CATSPERT: variants seen among roughly 807,000 people sequenced by gnomAD.
CATSPERT encodes catsper channel auxiliary subunit tau.
chr2:201,498,819 C>G, the CATSPERT span, among the ~76,000 whole-genome samples: 2 of 152,172 alleles, frequency 1.3e-5, no homozygotes, highest in African/African-American at 4.8e-5. Context: ...TTCCCAGTCA[C>G]TCTCCCAAAC....
the CATSPERT span, among the ~76,000 whole-genome samples, chr2:201,512,386 C>G: frequency 2.6e-5 from 4 of 152,140 alleles, no homozygotes; most frequent in South Asian, 2.1e-4. Flanking sequence ...CAGTTAAGAC[C>G]TAGACATTTC....
At chr2:201,575,682 G>A in the CATSPERT span, among the ~76,000 whole-genome samples, 1 of 152,112 alleles carries the variant, frequency 6.6e-6, no homozygotes, top group Non-Finnish European at 1.5e-5. Context: ...GCCTCCCATC[G>A]TCCCCAGATG....
At chr2:201,562,237 G>A in the CATSPERT span, among the ~76,000 whole-genome samples, 8,074 of 146,730 alleles carry the variant, frequency 0.055, 267 homozygotes, top group African/African-American at 0.08. Flanking sequence ...TCCCAGGCTG[G>A]AGTGCAGTGG....
the CATSPERT span, among the ~76,000 whole-genome samples, chr2:201,579,497 T>A: frequency 1.3e-5 from 2 of 152,156 alleles, no homozygotes; most frequent in Non-Finnish European, 2.9e-5. Context: ...TTCCCCAGGC[T>A]GGTCTCAAAC....
chr2:201,494,544 T>G, the CATSPERT span: 1 of 1,537,002 alleles, frequency 6.5e-7, no homozygotes. Context: ...ACATCTTTGT[T>G]GTGAAGATAT....
chr2:201,556,513 G>GAAA, the CATSPERT span, among the ~76,000 whole-genome samples: 125 of 134,228 alleles, frequency 9.3e-4, no homozygotes, highest in Admixed American at 1.2e-3. Flanking sequence ...ACTTCAAAAA[G>GAAA]AAAAAAAAAA....
At chr2:201,589,105 A>T in the CATSPERT span, among the ~76,000 whole-genome samples, 2 of 152,010 alleles carry the variant, frequency 1.3e-5, no homozygotes, top group Admixed American at 6.6e-5. Context: ...GAAGTCAGGG[A>T]TGACACAACA....
the CATSPERT span, among the ~76,000 whole-genome samples, chr2:201,507,661 T>C: frequency 2.6e-5 from 4 of 152,192 alleles, no homozygotes; most frequent in Non-Finnish European, 5.9e-5. Context: ...GAAATTAGCA[T>C]ATAATAATTA....
chr2:201,493,296 G>T, the CATSPERT span: 1 of 1,536,490 alleles, frequency 6.5e-7, no homozygotes, highest in Non-Finnish European at 8.7e-7. Flanking sequence ...AATCTTGTGG[G>T]AACATATTTT....
At chr2:201,487,460 A>G in the CATSPERT span, 1 of 723,138 alleles carries the variant, frequency 1.4e-6, no homozygotes, top group Non-Finnish European at 2.2e-6. Flanking sequence ...AAATGGTTCT[A>G]ACAAGATGAA....
chr2:201,496,012 A>G, the CATSPERT span: 2 of 1,232,418 alleles, frequency 1.6e-6, no homozygotes, highest in Non-Finnish European at 2.3e-6. Context: ...CTTGTAATAT[A>G]AGAATATCAA....
chr2:201,555,841 T>C, the CATSPERT span: 1 of 152,188 alleles, frequency 6.6e-6, no homozygotes, highest in Non-Finnish European at 1.5e-5. Flanking sequence ...ATTTTCATGA[T>C]TTAATTTTAC....
the CATSPERT span, among the ~76,000 whole-genome samples, chr2:201,574,643 C>A: frequency 6.6e-6 from 1 of 152,156 alleles, no homozygotes; most frequent in South Asian, 2.1e-4. Flanking sequence ...TACTCACACT[C>A]CTCTCACCTC....
the CATSPERT span, chr2:201,553,064 TACATTAA>T: frequency 6.6e-6 from 1 of 152,204 alleles, no homozygotes; most frequent in African/African-American, 2.4e-5. Context: ...AAGGCCTCCA[TACATTAA>T]TCATTCAAAA....
the CATSPERT span, among the ~76,000 whole-genome samples, chr2:201,574,728 G>C: frequency 6.6e-6 from 1 of 152,006 alleles, no homozygotes; most frequent in Non-Finnish European, 1.5e-5. Flanking sequence ...GATAAAGGAG[G>C]GCATGAGAGG....
At chr2:201,547,241 C>A in the CATSPERT span, among the ~76,000 whole-genome samples, 1 of 151,986 alleles carries the variant, frequency 6.6e-6, no homozygotes, top group African/African-American at 2.4e-5. Flanking sequence ...ATACTAAATG[C>A]CACTGAGTTC....
At chr2:201,601,303 TGTGTGTGTGTGTGG>T in the CATSPERT span, among the ~76,000 whole-genome samples, 30 of 145,184 alleles carry the variant, frequency 2.1e-4, no homozygotes, top group Admixed American at 6.9e-4. Flanking sequence ...TGTGTGTGTG[TGTGTGTGTGTGTGG>T]GTTGTAATAA....
the CATSPERT span, among the ~76,000 whole-genome samples, chr2:201,577,249 C>A: frequency 6.6e-6 from 1 of 151,176 alleles, no homozygotes; most frequent in East Asian, 1.9e-4. Context: ...ATTCCAACAT[C>A]AAAAAAAAAT....
the CATSPERT span, chr2:201,603,249 C>T: frequency 2.5e-6 from 4 of 1,611,286 alleles, no homozygotes; most frequent in South Asian, 2.2e-5. Flanking sequence ...GTCTGCAGTT[C>T]TTTATATGAA....
Sources: gnomAD v4.1 joint callset for allele counts (sites outside exome capture counted in the v4.1 genomes callset) on GRCh38, gnomAD v4.1.1 for gene constraint, MANE v1.5 for transcripts, NCBI Gene and HGNC (gene_info 2026-07-23, HGNC 2026-07-21) for gene names.